Variants in HMGXB3 observed in about 807,000 individuals in gnomAD.
HMGXB3 encodes HMG domain-containing protein 3.
A neutral mutation model predicts 121.5 loss-of-function variants in HMGXB3; 45 were observed. That is an observed-to-expected ratio of 0.37 (90% confidence interval 0.29 to 0.47). HMGXB3 has a LOEUF of 0.47. Among genes scored for constraint, HMGXB3 ranks in the 20% least tolerant of loss-of-function variants. HMGXB3 has a pLI of 0.99. For missense variants in HMGXB3, 1,376 were observed against 1,602.2 expected, an observed-to-expected ratio of 0.86 and a Z score of 2.41; for synonymous variants, 590 against 624.1, an observed-to-expected ratio of 0.95 and a Z score of 0.81.
Position 150,032,526 on chromosome 5 carries a change from A to G in HMGXB3, c.1906A>G (p.Arg636Gly). Residue 636 changes from arginine to glycine, a missense_variant, in exon 11 of 20, where the codon AGG (arginine) becomes GGG (glycine). Around this residue, in one of 2 missense-constraint regions of HMGXB3, gnomAD observed 1,116 missense variants for 1,369.0 expected, o/e 0.82. Coordinates refer to ENST00000502717, the MANE Select transcript of HMGXB3 (RefSeq NM_014983.3). ...NPSCSYVYTN[R>G]HKPRICPSCG... Reference sequence around the variant, plus strand: ...CTCTTGTAGCTATGTCTACACCAACAGGCACAAACCTCGAATTTGTCCCAG... The same window carrying G: ...CTCTTGTAGCTATGTCTACACCAACGGGCACAAACCTCGAATTTGTCCCAG... The G allele has an allele frequency of 6.4e-7, 1 of 1,552,076 alleles. No homozygotes were observed. Among genetic ancestry groups the G allele is most frequent in the Non-Finnish European group, 8.7e-7 (1 of 1,147,040 alleles).
Position 150,036,616 on chromosome 5 carries a change from T to A in HMGXB3, c.1984-20T>A. 6.6e-7 allele frequency: 1 copy of A among 1,512,238 alleles called. No homozygotes were observed. The highest frequency in any genetic ancestry group is 8.9e-7 in the Non-Finnish European group (1 of 1,127,206). The allele number at this position is 1,512,238 out of a possible 1,614,324, so 93.7% of individuals were successfully genotyped here. A position where few individuals can be genotyped will look rare whatever the true frequency, so the allele number is the denominator to read the frequency against. On this transcript the variant is annotated intron_variant, in intron 11 of 19. Coordinates refer to ENST00000502717, the MANE Select transcript of HMGXB3 (RefSeq NM_014983.3). ...TCTTTCTGCTCTGAGTGCTTGGTGA[T>A]CAATCCACTCTCTTCCCAGGAGGTG...
At chr5:150,031,633 C>G (rs1581259097) in intron 10 of HMGXB3, among the ~76,000 whole-genome samples, 2 of 152,350 alleles carry the variant, frequency 1.3e-5, no homozygotes, top group South Asian at 4.1e-4. Flanking sequence ...GGCAGTTTCT[C>G]TAGCTGATTT....
intron 4 of HMGXB3, among the ~76,000 whole-genome samples, chr5:150,011,746 A>C (rs1347391030): frequency 6.6e-6 from 1 of 150,798 alleles, no homozygotes; most frequent in Non-Finnish European, 1.5e-5. Context: ...TGGGATTACA[A>C]GCATGCGCCA....
At chr5:150,032,909 C>A (rs1377215319) in intron 11 of HMGXB3, among the ~76,000 whole-genome samples, 1 of 152,170 alleles carries the variant, frequency 6.6e-6, no homozygotes, top group Non-Finnish European at 1.5e-5. Flanking sequence ...AGGGTTGCAT[C>A]CTCTTACCGC....
chr5:150,021,416 G>A (rs2113738100), intron 6 of HMGXB3, among the ~76,000 whole-genome samples: 1 of 152,334 alleles, frequency 6.6e-6, no homozygotes, highest in East Asian at 1.9e-4. Context: ...GCATTGCTGT[G>A]CTGTTTAGCT....
In HMGXB3 at chr5:150,052,089, A is replaced by G. The variant is rs1319083271; in HGVS notation, c.3776A>G (p.Glu1259Gly). The G allele has an allele frequency of 4.5e-6, 7 of 1,551,730 alleles. No homozygotes were observed. The Admixed American group carries it at 9.8e-5, about 22-fold the overall frequency. The change falls in exon 20 of 20, where the codon GAG (glutamate) becomes GGG (glycine). Residue 1259 changes from glutamate (E) to glycine (G), a missense_variant. Physicochemically the swap from Glu to Gly is moderately conservative, Grantham distance 98. Around this residue, in one of 2 missense-constraint regions of HMGXB3, gnomAD observed 260 missense variants for 233.2 expected, o/e 1.11. Transcript: ENST00000502717. ...HDIVQSCQPG[E>G]VVIRDTLYRL... ...ATTGTACAGAGCTGCCAGCCTGGTGAGGTGGTCATTCGTGACACCCTCTAC... is the reference window on the plus strand; with the variant it reads ...ATTGTACAGAGCTGCCAGCCTGGTGGGGTGGTCATTCGTGACACCCTCTAC...
At position 150,006,570 on chromosome 5, in the gene HMGXB3, A is replaced by C; in HGVS notation, c.235A>C (p.Ser79Arg). The C allele has an allele frequency of 6.4e-7, 1 of 1,552,230 alleles. No homozygotes were observed. Among genetic ancestry groups the C allele is most frequent in the Non-Finnish European group, 8.7e-7 (1 of 1,147,096 alleles). Residue 79 changes from serine (S) to arginine (R), a missense_variant, in exon 3 of 20, where the codon AGT (serine) becomes CGT (arginine). Ser to Arg is a moderately radical substitution (Grantham distance 110, BLOSUM62 -1). Around this residue, in one of 2 missense-constraint regions of HMGXB3, gnomAD observed 1,116 missense variants for 1,369.0 expected, o/e 0.82. Transcript: ENST00000502717. Reference protein sequence around the residue: ...QSEINKKISESWRLLSVAERS... With the variant: ...QSEINKKISERWRLLSVAERS... ...TGAGATCAATAAGAAGATTAGTGAG[A>C]GTTGGAGGCTTCTCAGCGTGGCCGA... is the stretch of plus-strand genomic sequence containing the variant.
At chr5:150,023,310 G>T (rs919896296) in intron 6 of HMGXB3, among the ~76,000 whole-genome samples, 1 of 152,146 alleles carries the variant, frequency 6.6e-6, no homozygotes, top group Non-Finnish European at 1.5e-5. Flanking sequence ...CCAAAATGCT[G>T]TCTGGCTCCT....
At position 150,036,889 on chromosome 5, in the gene HMGXB3, C is replaced by T; in HGVS notation, c.2237C>T (p.Ser746Phe). 1 of 1,551,670 alleles carries T rather than the reference C, an allele frequency of 6.4e-7. No homozygotes were observed. The highest frequency in any genetic ancestry group is 2.4e-5 in the East Asian group (1 of 40,920). The change falls in exon 12 of 20, where the codon TCC (serine) becomes TTC (phenylalanine). Residue 746 changes from serine to phenylalanine, a missense_variant. Coordinates refer to ENST00000502717, the MANE Select transcript of HMGXB3 (RefSeq NM_014983.3). Reference sequence around the variant, plus strand: ...TGGTCGAATTATTATGAGTCTCCGTCCACGCAGTGCCTTCTCTGTAGCAGC... The same window carrying T: ...TGGTCGAATTATTATGAGTCTCCGTTCACGCAGTGCCTTCTCTGTAGCAGC... ...TSWSNYYESP[S>F]TQCLLCSSPL...
chr5:150,049,653 A>G (rs1756845330), intron 18 of HMGXB3, among the ~76,000 whole-genome samples: 5 of 152,058 alleles, frequency 3.3e-5, no homozygotes, highest in Admixed American at 3.3e-4. Flanking sequence ...GCACGGGGAG[A>G]GCTGTAGATC....
intron 10 of HMGXB3, among the ~76,000 whole-genome samples, chr5:150,031,332 A>G (rs1236659354): frequency 3.3e-5 from 5 of 152,282 alleles, no homozygotes; most frequent in African/African-American, 1.2e-4. Flanking sequence ...AACATAACAC[A>G]TATTAACGTC....
At chr5:150,028,291 GGT>G (rs1196616844) in intron 9 of HMGXB3, among the ~76,000 whole-genome samples, 1 of 151,636 alleles carries the variant, frequency 6.6e-6, no homozygotes. Context: ...GTGAGCAGAG[GGT>G]GACTTTGAAT....
At chr5:150,028,559 A>ATATATATT (rs1375655538) in intron 9 of HMGXB3, among the ~76,000 whole-genome samples, 6 of 38,894 alleles carry the variant, frequency 1.5e-4, no homozygotes, top group African/African-American at 5.0e-4. Flanking sequence ...ATATATATAT[A>ATATATATT]TTTTTTTTTT....
intron 18 of HMGXB3, among the ~76,000 whole-genome samples, chr5:150,049,370 C>G (rs1202913975): frequency 1.3e-5 from 2 of 151,964 alleles, no homozygotes; most frequent in Non-Finnish European, 2.9e-5. Context: ...AGGTTATGTA[C>G]TAGATGACAG....
In HMGXB3 at chr5:150,051,739, A is replaced by G. The variant is rs1298197077; in HGVS notation, c.3426A>G (p.Pro1142=). The G allele has an allele frequency of 1.3e-6, 2 of 1,527,970 alleles. No individual in the cohort carries two copies. Among genetic ancestry groups the G allele is most frequent in the Admixed American group, 2.0e-5 (1 of 50,738 alleles). The allele number at this position is 1,527,970 out of a possible 1,614,324, so 94.7% of individuals were successfully genotyped here. Residue 1142 remains proline (P), a synonymous_variant, in exon 20 of 20, where the codon CCA becomes CCG. Transcript: ENST00000502717. ...PTEPPVSVSC[P]ELLDQHYTVD... ...TTCTCTTCTAGAGTGTGTCCTGCCC[A>G]GAGCTCTTGGACCAGCATTATACTG...
chr5:150,008,055 T>TCACACACACACA (rs70973560), intron 3 of HMGXB3, among the ~76,000 whole-genome samples: 2 of 130,028 alleles, frequency 1.5e-5, no homozygotes, highest in African/African-American at 3.0e-5. Context: ...AGACTCTGTT[T>TCACACACACACA]CACACACACA....
At chr5:150,016,969 G>A (rs1252431102) in intron 5 of HMGXB3, among the ~76,000 whole-genome samples, 1 of 152,192 alleles carries the variant, frequency 6.6e-6, no homozygotes, top group East Asian at 1.9e-4. Context: ...TAAACAATAT[G>A]TTGTAGATAA....
chr5:150,052,321 C>A lies in HMGXB3; in HGVS notation c.*129C>A. 1.4e-6 allele frequency: 1 copy of A among 717,238 alleles called. No homozygotes were observed. The highest frequency in any genetic ancestry group is 2.3e-6 in the Non-Finnish European group (1 of 441,768). 44.4% of individuals were successfully genotyped at this position (717,238 alleles called of 1,614,324 possible). ...AGGGCCTCTGACTGCTGGGACTGAC[C>A]AAAGAGCTTCCATTCCCTGAGCATG... On this transcript the variant is annotated 3_prime_UTR_variant, in exon 20 of 20. Transcript: ENST00000502717.
At chr5:150,021,971 C>T (rs1410697833) in intron 6 of HMGXB3, 7 of 432,658 alleles carry the variant, frequency 1.6e-5, no homozygotes, top group Non-Finnish European at 2.8e-5. Context: ...GAGAGAACAG[C>T]GGTGAGTCAG....
Sources: gnomAD v4.1 joint callset for allele counts (sites outside exome capture counted in the v4.1 genomes callset) on GRCh38, gnomAD v4.1.1 for gene constraint, gnomAD v4.1.1 regional missense constraint, MANE v1.5 for transcripts, NCBI Gene and HGNC (gene_info 2026-07-23, HGNC 2026-07-21) for gene names.